Variants in GALNTL6 observed in about 807,000 individuals in gnomAD.
GALNTL6 encodes polypeptide N-acetylgalactosaminyltransferase like 6.
GALNTL6 carries 46 observed loss-of-function variants against 73.7 expected under a neutral mutation model. The ratio of observed to expected loss-of-function variants is 0.62; its 90% CI spans 0.49 to 0.80. The LOEUF is 0.80. Among genes scored for constraint, GALNTL6 ranks in the 30% least tolerant of loss-of-function variants. The pLI is 0.00. For synonymous variants in GALNTL6, 259 were observed against 263.7 expected (o/e 0.98, Z 0.17); for missense variants, 604 against 755.0 (o/e 0.80, Z 2.34).
At chr4:172,048,191 G>A (rs1009038250) in intron 2 of GALNTL6, among the ~76,000 whole-genome samples, 3 of 151,970 alleles carry the variant, frequency 2.0e-5, no homozygotes, top group Admixed American at 6.6e-5. Context: ...GAATAACTTG[G>A]GTGAACTGAC....
At chr4:172,078,764 C>T (rs994867495) in intron 2 of GALNTL6, among the ~76,000 whole-genome samples, 7 of 152,114 alleles carry the variant, frequency 4.6e-5, no homozygotes, top group East Asian at 1.9e-4. Context: ...AGGGTGTATT[C>T]GTATCTTTTT....
intron 2 of GALNTL6, among the ~76,000 whole-genome samples, chr4:171,947,916 ATGGACT>A (rs2111025414): frequency 6.6e-6 from 1 of 152,260 alleles, no homozygotes; most frequent in East Asian, 1.9e-4. Context: ...TTTATTAGTG[ATGGACT>A]TGGAGGGTTC....
At chr4:172,880,092 T>C (rs1745379460) in intron 7 of GALNTL6, among the ~76,000 whole-genome samples, 1 of 152,014 alleles carries the variant, frequency 6.6e-6, no homozygotes, top group Non-Finnish European at 1.5e-5. Flanking sequence ...GGAAAACAGT[T>C]TGGCAGTTTA....
At chr4:172,796,341 AT>A (rs1311595069) in intron 5 of GALNTL6, among the ~76,000 whole-genome samples, 1 of 152,082 alleles carries the variant, frequency 6.6e-6, no homozygotes, top group Non-Finnish European at 1.5e-5. Context: ...TCTTAGGCAA[AT>A]TTCTTAAACT....
chr4:172,429,646 T>G (rs1731367380), intron 5 of GALNTL6, among the ~76,000 whole-genome samples: 1 of 152,166 alleles, frequency 6.6e-6, no homozygotes. Flanking sequence ...ATTCTCTTGA[T>G]CAGGTATACT....
chr4:172,899,671 G>A (rs7665843), intron 8 of GALNTL6, among the ~76,000 whole-genome samples: 12,032 of 152,164 alleles, frequency 0.079, 603 homozygotes, highest in East Asian at 0.19. Context: ...AGGCAAACCC[G>A]TAGAGTACAG....
At chr4:172,117,882 A>G (rs1733029644) in intron 2 of GALNTL6, among the ~76,000 whole-genome samples, 1 of 152,184 alleles carries the variant, frequency 6.6e-6, no homozygotes, top group Non-Finnish European at 1.5e-5. Flanking sequence ...CAAAATCAGA[A>G]CAACTGCCAA....
intron 2 of GALNTL6, among the ~76,000 whole-genome samples, chr4:172,197,936 C>T (rs1448585974): frequency 3.9e-5 from 6 of 151,978 alleles, no homozygotes; most frequent in Non-Finnish European, 7.4e-5. Flanking sequence ...GGTGAAACCC[C>T]GTCTCTACTA....
At chr4:172,221,966 A>T (rs577430098) in intron 2 of GALNTL6, among the ~76,000 whole-genome samples, 3 of 151,930 alleles carry the variant, frequency 2.0e-5, no homozygotes, top group Non-Finnish European at 4.4e-5. Flanking sequence ...AGAATAGTTT[A>T]CTACTCATCT....
In GALNTL6 at chr4:171,901,325, G is replaced by A. The variant is rs547593158; in HGVS notation, c.138+86607G>A. Among the ~76,000 whole-genome samples, 7 of 152,224 alleles carry A rather than the reference G, an allele frequency of 4.6e-5. No individual in the cohort carries two copies. In the South Asian group the frequency reaches 1.2e-3, roughly 27 times the overall value. ...AACCATTTTCCATATGCGGTAGCTG[G>A]GCATTAGAAGCCCCCACAAAGGCCT... On this transcript the variant is annotated intron_variant, in intron 2 of 12. Coordinates refer to ENST00000506823, the MANE Select transcript of GALNTL6 (RefSeq NM_001034845.3).
chr4:172,993,477 G>A (rs1377836644), intron 10 of GALNTL6, among the ~76,000 whole-genome samples: 2 of 152,198 alleles, frequency 1.3e-5, no homozygotes, highest in Admixed American at 6.5e-5. Context: ...AGGTGATTAA[G>A]GCAAGCTTCT....
chr4:172,573,894 A>G (rs898150312), intron 5 of GALNTL6, among the ~76,000 whole-genome samples: 6 of 152,158 alleles, frequency 3.9e-5, no homozygotes, highest in African/African-American at 9.7e-5. Context: ...TTTAGATGCT[A>G]TTAACATTCC....
intron 3 of GALNTL6, among the ~76,000 whole-genome samples, chr4:172,299,293 T>G (rs1210542483): frequency 6.6e-6 from 1 of 152,216 alleles, no homozygotes; most frequent in Non-Finnish European, 1.5e-5. Context: ...GGTCTATCAA[T>G]GTTGTTGATC....
chr4:172,312,718 C>G (rs1248248768), intron 4 of GALNTL6, among the ~76,000 whole-genome samples: 2 of 152,016 alleles, frequency 1.3e-5, no homozygotes, highest in Non-Finnish European at 2.9e-5. Flanking sequence ...AGATAATTGA[C>G]CCTTTAGAAA....
chr4:171,989,214 T>C (rs1015044623), intron 2 of GALNTL6, among the ~76,000 whole-genome samples: 12 of 152,094 alleles, frequency 7.9e-5, no homozygotes, highest in East Asian at 1.9e-4. Flanking sequence ...ACGGACTTAC[T>C]TTCCACTGTG....
chr4:172,271,237 T>C lies in GALNTL6; in HGVS notation c.248-40377T>C, dbSNP rs550738471. On this transcript the variant is annotated intron_variant, in intron 3 of 12. Coordinates refer to ENST00000506823, the MANE Select transcript of GALNTL6 (RefSeq NM_001034845.3). The stretch of plus-strand genomic sequence containing the variant: ...TACGTTGCCTCACCAGAAATTATTC[T>C]GATGCTTAAGGGATTAGAAATATAA... 7.9e-5 allele frequency among the ~76,000 whole-genome samples: 12 copies of C among 152,298 alleles called. No homozygotes were observed. In the East Asian group the frequency reaches 1.3e-3, roughly 17 times the overall value.
chr4:172,201,560 C>A (rs1027406492), intron 2 of GALNTL6, among the ~76,000 whole-genome samples: 5 of 151,056 alleles, frequency 3.3e-5, no homozygotes, highest in African/African-American at 4.9e-5. Flanking sequence ...TTGGTTGGCA[C>A]TCGTAAAGGT....
intron 10 of GALNTL6, among the ~76,000 whole-genome samples, chr4:173,004,985 C>T (rs1253521173): frequency 6.6e-6 from 1 of 152,128 alleles, no homozygotes; most frequent in East Asian, 1.9e-4. Flanking sequence ...TAAGGCTAGT[C>T]CCTCTCTAAC....
intron 5 of GALNTL6, among the ~76,000 whole-genome samples, chr4:172,569,163 G>T (rs1736672187): frequency 6.6e-6 from 1 of 152,154 alleles, no homozygotes; most frequent in South Asian, 2.1e-4. Flanking sequence ...ACAGAAATTT[G>T]TTTCTCATAG....
Sources: gnomAD v4.1 joint callset for allele counts (sites outside exome capture counted in the v4.1 genomes callset) on GRCh38, gnomAD v4.1.1 for gene constraint, MANE v1.5 for transcripts, NCBI Gene and HGNC (gene_info 2026-07-23, HGNC 2026-07-21) for gene names.